The following YWHAE variants were observed in gnomAD, a reference collection of about 807,000 sequenced individuals.
YWHAE encodes 14-3-3 protein epsilon.
YWHAE carries 4 observed loss-of-function variants against 30.1 expected under a neutral mutation model. The ratio of observed to expected loss-of-function variants is 0.13; its 90% confidence interval spans 0.07 to 0.30. YWHAE has a LOEUF of 0.30. YWHAE is among the 10% of genes least tolerant of loss of function. The probability of loss-of-function intolerance (pLI) is 1.00; values close to 1 mark genes in which losing one functional copy is unlikely to be tolerated. For missense variants in YWHAE, 121 were observed against 315.9 expected (o/e 0.38, Z 4.68); for synonymous variants, 118 against 111.8 (o/e 1.06, Z -0.35).
intron 1 of YWHAE, among the ~76,000 whole-genome samples, chr17:1,384,874 A>AT (rs1294871359): frequency 6.6e-5 from 10 of 151,004 alleles, no homozygotes; most frequent in South Asian, 2.1e-4. Context: ...AGCCTGGCTA[A>AT]TTTTTTTTTG....
At chr17:1,382,137 C>T (rs895647127) in intron 1 of YWHAE, among the ~76,000 whole-genome samples, 6 of 152,000 alleles carry the variant, frequency 3.9e-5, no homozygotes, top group Admixed American at 3.9e-4. Context: ...CAACCTCCGC[C>T]TCCCGGGTTC....
intron 5 of YWHAE, among the ~76,000 whole-genome samples, chr17:1,346,148 T>C (rs2072512955): frequency 6.6e-6 from 1 of 152,226 alleles, no homozygotes; most frequent in East Asian, 1.9e-4. Flanking sequence ...CTCATGCTAT[T>C]TGTCTTTTGC....
chr17:1,361,850 C>A, intron 3 of YWHAE, 52 bp downstream of exon 3: 1 of 1,290,314 alleles, frequency 7.8e-7, no homozygotes, highest in Non-Finnish European at 1.1e-6. Context: ...AGTTATGGTT[C>A]TAAAAGGACC....
At chr17:1,370,318 AGG>A (rs2073016058) in intron 1 of YWHAE, among the ~76,000 whole-genome samples, 1 of 150,954 alleles carries the variant, frequency 6.6e-6, no homozygotes, top group Non-Finnish European at 1.5e-5. Flanking sequence ...TTTTTAGTAG[AGG>A]CGGGGTTTCA....
At chr17:1,375,354 T>TA (rs547095368) in intron 1 of YWHAE, among the ~76,000 whole-genome samples, 32 of 152,270 alleles carry the variant, frequency 2.1e-4, no homozygotes, top group African/African-American at 7.5e-4. Context: ...CCAACCATTA[T>TA]ATTCACATAA....
At chr17:1,357,921 TC>T (rs2072784161) in intron 4 of YWHAE, among the ~76,000 whole-genome samples, 1 of 144,520 alleles carries the variant, frequency 6.9e-6, no homozygotes, top group Non-Finnish European at 1.5e-5. Flanking sequence ...AGCGAGACTC[TC>T]CTCTCGGGGG....
At position 1,400,072 on chromosome 17, in the gene YWHAE, C is replaced by G; in HGVS notation, c.39G>C (p.Leu13=). 6.2e-7 allele frequency: 1 copy of G among 1,614,120 alleles called. No homozygotes were observed. Among genetic ancestry groups the G allele is most frequent in the Non-Finnish European group, 8.5e-7 (1 of 1,180,008 alleles). ...CGTCGTATCGCTCAGCCTGCTCGGCCAGCTTCGCCTGGTACACCAGATCCT... is the reference window on the plus strand; with the variant it reads ...CGTCGTATCGCTCAGCCTGCTCGGCGAGCTTCGCCTGGTACACCAGATCCT... ...DREDLVYQAK[L]AEQAERYDEM... The change falls in exon 1 of 6, where the codon CTG becomes CTC. Residue 13 remains leucine, a synonymous_variant. Coordinates refer to ENST00000264335, the MANE Select transcript of YWHAE (RefSeq NM_006761.5).
chr17:1,355,956 T>G (rs1248037452), intron 4 of YWHAE, among the ~76,000 whole-genome samples: 1 of 151,810 alleles, frequency 6.6e-6, no homozygotes, highest in Non-Finnish European at 1.5e-5. Context: ...ATCACGTGGT[T>G]AGGAGATCGA....
chr17:1,380,509 G>A (rs2073190670), intron 1 of YWHAE, among the ~76,000 whole-genome samples: 1 of 152,156 alleles, frequency 6.6e-6, no homozygotes, highest in Non-Finnish European at 1.5e-5. Flanking sequence ...CCAGCCCTGA[G>A]TTATGAGAGT....
intron 4 of YWHAE, among the ~76,000 whole-genome samples, chr17:1,360,357 A>C (rs979526220): frequency 6.6e-6 from 1 of 152,224 alleles, no homozygotes; most frequent in Non-Finnish European, 1.5e-5. Context: ...CTGAAGTATA[A>C]ATGGGGGAAC....
At chr17:1,356,563 T>C (rs2150844406) in intron 4 of YWHAE, among the ~76,000 whole-genome samples, 1 of 152,332 alleles carries the variant, frequency 6.6e-6, no homozygotes, top group East Asian at 1.9e-4. Context: ...ACAGCTAGAC[T>C]GGAGTCTGAC....
intron 5 of YWHAE, chr17:1,348,148 A>G (rs1177411987): frequency 5.0e-6 from 1 of 200,596 alleles, no homozygotes; most frequent in Admixed American, 6.5e-5. Context: ...CTTCACTCTA[A>G]GCAACAATCT....
chr17:1,347,855 A>C, intron 5 of YWHAE: 1 of 639,022 alleles, frequency 1.6e-6, no homozygotes, highest in Non-Finnish European at 2.0e-6. Context: ...GCGCCCTGGA[A>C]GGTGGAACAG....
intron 5 of YWHAE, among the ~76,000 whole-genome samples, chr17:1,351,388 A>T (rs776850560): frequency 2.6e-5 from 4 of 152,026 alleles, no homozygotes; most frequent in Non-Finnish European, 5.9e-5. Flanking sequence ...CAAAAAAAAA[A>T]AATAAAACAC....
chr17:1,361,302 A>T lies in YWHAE; in HGVS notation c.372-4T>A, dbSNP rs777976581. The T allele has an allele frequency of 1.3e-6, 2 of 1,546,702 alleles. No individual in the cohort carries two copies. The highest frequency in any genetic ancestry group is 1.7e-6 in the Non-Finnish European group (2 of 1,159,572). On this transcript the variant is annotated splice_polypyrimidine_tract_variant and splice_region_variant and intron_variant, in intron 3 of 5. Transcript: ENST00000264335. ...ATACCTGTGGTAGTCCCCTTTCCTA[A>T]AACAAAACCAAAATTAAAAAAAAAA... is the stretch of plus-strand genomic sequence containing the variant.
In YWHAE at chr17:1,373,141, G is replaced by A. The variant is rs143634438; in HGVS notation, c.65-8083C>T. On this transcript the variant is annotated intron_variant, in intron 1 of 5. Coordinates refer to ENST00000264335, the MANE Select transcript of YWHAE (RefSeq NM_006761.5). ...GCCTGTAATCCCAGCTACTCGGGACGCTGAGGCAGGAGAATCGCTTGAACT... is the reference window on the plus strand; with the variant it reads ...GCCTGTAATCCCAGCTACTCGGGACACTGAGGCAGGAGAATCGCTTGAACT... Among the ~76,000 whole-genome samples the A allele has an allele frequency of 1.9e-4, 29 of 152,162 alleles. 2 individuals are homozygous for A. In the East Asian group the frequency reaches 2.9e-3, roughly 15 times the overall value.
chr17:1,359,821 T>C (rs914768077), intron 4 of YWHAE, among the ~76,000 whole-genome samples: 5 of 95,268 alleles, frequency 5.2e-5, no homozygotes, highest in African/African-American at 2.1e-4. Flanking sequence ...GTTGTGTGTG[T>C]GTGTGTGTGT....
Position 1,365,071 on chromosome 17 carries a change from AG to A in YWHAE, c.65-14del, listed in dbSNP as rs1310365399. 1 of 1,612,728 alleles carries A rather than the reference AG, an allele frequency of 6.2e-7. No homozygotes were observed. Among genetic ancestry groups the A allele is most frequent in the South Asian group, 1.1e-5 (1 of 90,684 alleles). On this transcript the variant is annotated splice_polypyrimidine_tract_variant and intron_variant, in intron 1 of 5. Transcript: ENST00000264335. Reference sequence around the variant, plus strand: ...GACTCCACCATTTCTGTATGGGAAAAGGAAAAGTCAGACCTTACAAATTTGA... The same window carrying A: ...GACTCCACCATTTCTGTATGGGAAAAGAAAAGTCAGACCTTACAAATTTGA...
At chr17:1,395,451 C>T (rs2073454556) in intron 1 of YWHAE, among the ~76,000 whole-genome samples, 1 of 152,162 alleles carries the variant, frequency 6.6e-6, no homozygotes, top group South Asian at 2.1e-4. Flanking sequence ...ACCGCTTGAA[C>T]CTGGGAGGCG....
Sources: gnomAD v4.1 joint callset for allele counts (sites outside exome capture counted in the v4.1 genomes callset) on GRCh38, gnomAD v4.1.1 for gene constraint, MANE v1.5 for transcripts, NCBI Gene and HGNC (gene_info 2026-07-23, HGNC 2026-07-21) for gene names.